The following PRELID2 variants were observed in gnomAD, a reference collection of about 807,000 sequenced individuals.
The protein encoded by PRELID2 is PRELI domain-containing protein 2.
Under a neutral mutation model 28.4 loss-of-function variants are expected in PRELID2, and 25 were observed. The ratio of observed to expected loss-of-function variants is 0.88; its 90% confidence interval spans 0.64 to 1.23. The LOEUF is 1.23. Ranked by LOEUF, PRELID2 falls within the 50% of genes most tolerant of loss-of-function variation. The pLI is 0.00. For synonymous variants in PRELID2, 76 were observed against 71.6 expected, an observed-to-expected ratio of 1.06 and a Z score of -0.31; for missense variants, 201 against 214.4, an observed-to-expected ratio of 0.94 and a Z score of 0.39.
At chr5:145,415,950 C>A in the PRELID2 span, among the ~76,000 whole-genome samples, 1 of 151,990 alleles carries the variant, frequency 6.6e-6, no homozygotes, top group Non-Finnish European at 1.5e-5. Context: ...CTGTTGTTTC[C>A]TGACTTTTTA....
chr5:145,441,686 C>G, the PRELID2 span, among the ~76,000 whole-genome samples: 2 of 152,118 alleles, frequency 1.3e-5, no homozygotes, highest in South Asian at 4.1e-4. Context: ...AGAAGCTACA[C>G]ATCCAGGAAT....
the PRELID2 span, among the ~76,000 whole-genome samples, chr5:145,292,751 A>G: frequency 2.2e-3 from 332 of 152,292 alleles, 2 homozygotes; most frequent in African/African-American, 7.7e-3. Flanking sequence ...TCTATCATCC[A>G]GGCTACAGTA....
intron 1 of PRELID2, among the ~76,000 whole-genome samples, chr5:145,507,980 G>A (rs1752426463): frequency 6.6e-6 from 1 of 152,078 alleles, no homozygotes; most frequent in African/African-American, 2.4e-5. Flanking sequence ...AGTTCTCCTA[G>A]TTGAGCTAAT....
chr5:145,262,851 A>T, the PRELID2 span, among the ~76,000 whole-genome samples: 1 of 152,196 alleles, frequency 6.6e-6, no homozygotes, highest in Non-Finnish European at 1.5e-5. Flanking sequence ...CAATACGAAC[A>T]TTGAATATAA....
intron 1 of PRELID2, among the ~76,000 whole-genome samples, chr5:145,654,061 G>A (rs1025864360): frequency 6.6e-6 from 1 of 152,036 alleles, no homozygotes; most frequent in Non-Finnish European, 1.5e-5. Flanking sequence ...AAATGATAAA[G>A]GGGATATCAC....
intron 1 of PRELID2, among the ~76,000 whole-genome samples, chr5:145,489,416 A>C (rs1266260605): frequency 6.6e-6 from 1 of 152,178 alleles, no homozygotes; most frequent in Non-Finnish European, 1.5e-5. Context: ...TGTATTTTAC[A>C]TGCATGATCT....
At chr5:145,474,558 C>A (rs945685721) in intron 1 of PRELID2, among the ~76,000 whole-genome samples, 1 of 152,128 alleles carries the variant, frequency 6.6e-6, no homozygotes, top group African/African-American at 2.4e-5. Flanking sequence ...GAGTGGCAGG[C>A]AATTACTCAC....
intron 1 of PRELID2, among the ~76,000 whole-genome samples, chr5:145,560,000 G>A (rs532620164): frequency 6.6e-6 from 1 of 152,198 alleles, no homozygotes; most frequent in South Asian, 2.1e-4. Context: ...ACCAAACATA[G>A]CTTAGCCTAG....
intron 1 of PRELID2, among the ~76,000 whole-genome samples, chr5:145,825,225 C>CAAAAAAAAAAAAAAAAAAAAAAAAA (rs56818178): frequency 1.7e-5 from 1 of 60,402 alleles, no homozygotes; most frequent in African/African-American, 5.4e-5. Flanking sequence ...GACTCTGTCT[C>CAAAAAAAAAAAAAAAAAAAAAAAAA]AAAAAAAAAA....
intron 1 of PRELID2, among the ~76,000 whole-genome samples, chr5:145,601,355 G>T (rs747025040): frequency 2.2e-4 from 33 of 151,878 alleles, no homozygotes; most frequent in Non-Finnish European, 4.7e-4. Flanking sequence ...GTTAAAGGAA[G>T]AATAATAAGG....
At chr5:145,666,330 C>T (rs1211731070) in intron 1 of PRELID2, among the ~76,000 whole-genome samples, 1 of 152,050 alleles carries the variant, frequency 6.6e-6, no homozygotes, top group Non-Finnish European at 1.5e-5. Flanking sequence ...TTCTGATTCT[C>T]AAGATATGGG....
At chr5:145,421,522 G>A in the PRELID2 span, among the ~76,000 whole-genome samples, 480 of 112,158 alleles carry the variant, frequency 4.3e-3, 5 homozygotes, top group African/African-American at 0.014. Flanking sequence ...TATTTGCATA[G>A]AGGTGTTTGT....
At chr5:145,445,251 G>T in the PRELID2 span, among the ~76,000 whole-genome samples, 1 of 152,006 alleles carries the variant, frequency 6.6e-6, no homozygotes, top group Non-Finnish European at 1.5e-5. Flanking sequence ...ACTGATTTTT[G>T]ATGAAGTTGC....
At chr5:145,340,770 C>CATAT in the PRELID2 span, among the ~76,000 whole-genome samples, 7,253 of 116,306 alleles carry the variant, frequency 0.062, 325 homozygotes, top group East Asian at 0.11. Context: ...TAAAAATATA[C>CATAT]ATATATATAT....
chr5:145,315,599 G>T, the PRELID2 span, among the ~76,000 whole-genome samples: 2 of 145,684 alleles, frequency 1.4e-5, no homozygotes, highest in East Asian at 4.0e-4. Flanking sequence ...TAGCAATCAT[G>T]CCAGTTGGAT....
chr5:145,383,229 A>T, the PRELID2 span, among the ~76,000 whole-genome samples: 10 of 151,834 alleles, frequency 6.6e-5, 1 homozygote, highest in Admixed American at 6.6e-4. Flanking sequence ...ACACTCAAAT[A>T]TATATATACT....
rs145996949 is a variant in PRELID2, at chr5:145,531,243, T to G, written n.71-57928A>C. Among the ~76,000 whole-genome samples the G allele has an allele frequency of 2.4e-3, 358 of 152,256 alleles. 1 individual carries two copies. Among genetic ancestry groups the G allele is most frequent in the African/African-American group, 8.1e-3 (337 of 41,572 alleles). On this transcript the variant is annotated intron_variant and non_coding_transcript_variant, in intron 1 of 2. Transcript: ENST00000510259. The stretch of plus-strand genomic sequence containing the variant: ...GAAGTGGGGGAAGGACACCTCTTGA[T>G]TCCCCCCTTGAGTTGTTATGCTGTG...
chr5:145,659,263 C>G (rs191859214), intron 1 of PRELID2, among the ~76,000 whole-genome samples: 1 of 152,318 alleles, frequency 6.6e-6, no homozygotes, highest in South Asian at 2.1e-4. Flanking sequence ...AGTCCAGCAC[C>G]ATTATCTCAT....
chr5:145,291,061 C>T, the PRELID2 span, among the ~76,000 whole-genome samples: 13 of 151,480 alleles, frequency 8.6e-5, no homozygotes, highest in East Asian at 1.4e-3. Context: ...AAAAAGGGGT[C>T]GGACGCGGTG....
Sources: allele counts gnomAD v4.1 joint callset (sites outside exome capture counted in the v4.1 genomes callset), GRCh38; gene constraint gnomAD v4.1.1; transcripts MANE v1.5; gene names NCBI Gene and HGNC (gene_info 2026-07-23, HGNC 2026-07-21).